FAM184B: variants seen among roughly 807,000 people sequenced by gnomAD.
FAM184B encodes the protein protein FAM184B.
In FAM184B, 111 loss-of-function variants were observed where a neutral mutation model predicts 135.9. The ratio of observed to expected loss-of-function variants is 0.82; its 90% confidence interval spans 0.70 to 0.96. FAM184B has a LOEUF of 0.96. Ranked by LOEUF, FAM184B falls within the 40% of genes least tolerant of loss-of-function variation. FAM184B has a pLI of 0.00. For synonymous variants in FAM184B, 552 were observed against 524.8 expected, an observed-to-expected ratio of 1.05 and a Z score of -0.71; for missense variants, 1,375 against 1,323.9, an observed-to-expected ratio of 1.04 and a Z score of -0.60.
chr4:17,699,950 A>G lies in FAM184B; in HGVS notation c.1377+5050T>C, dbSNP rs543638700. On this transcript the variant is annotated intron_variant, in intron 5 of 17. Coordinates refer to ENST00000265018, the MANE Select transcript of FAM184B (RefSeq NM_015688.2). Reference sequence around the variant, plus strand: ...AAGGGTGAAATGAAAATGTATTATCATGAGGTTTGTATGTGTGAAGTAATG... The same window carrying G: ...AAGGGTGAAATGAAAATGTATTATCGTGAGGTTTGTATGTGTGAAGTAATG... 2.6e-5 allele frequency among the ~76,000 whole-genome samples: 4 copies of G among 152,328 alleles called. No individual in the cohort carries two copies. In the East Asian group the frequency reaches 7.7e-4, roughly 29 times the overall value.
At chr4:17,746,265 A>G (rs527605301) in intron 1 of FAM184B, among the ~76,000 whole-genome samples, 2 of 152,038 alleles carry the variant, frequency 1.3e-5, no homozygotes, top group South Asian at 4.2e-4. Flanking sequence ...GACTGCTACA[A>G]AAAACTTTCC....
rs144277625 is a variant in FAM184B at position 17,713,873 on chromosome 4, C to A, written c.142-4229G>T. On this transcript the variant is annotated intron_variant, in intron 1 of 17. Coordinates refer to ENST00000265018, the MANE Select transcript of FAM184B (RefSeq NM_015688.2). ...TTTGCAACCTCAGAAATATTTTAATCCAGTAGGAGAGTCAGACAAGAAAAT... is the reference window on the plus strand; with the variant it reads ...TTTGCAACCTCAGAAATATTTTAATACAGTAGGAGAGTCAGACAAGAAAAT... 3.4e-4 allele frequency among the ~76,000 whole-genome samples: 51 copies of A among 152,228 alleles called. 1 individual carries two copies. In the East Asian group the frequency reaches 9.5e-3, roughly 28 times the overall value.
chr4:17,694,033 G>C (rs770134457), intron 5 of FAM184B, among the ~76,000 whole-genome samples: 1 of 152,198 alleles, frequency 6.6e-6, no homozygotes, highest in Non-Finnish European at 1.5e-5. Flanking sequence ...CACAGCCCAT[G>C]AGCCTCAGTG....
chr4:17,764,118 A>G (rs1429802528), intron 1 of FAM184B, among the ~76,000 whole-genome samples: 1 of 152,176 alleles, frequency 6.6e-6, no homozygotes, highest in Non-Finnish European at 1.5e-5. Flanking sequence ...GGGTAAACTA[A>G]ACAGGCTAAC....
At chr4:17,696,830 G>GAATGAATA (rs1716875926) in intron 5 of FAM184B, among the ~76,000 whole-genome samples, 2 of 151,678 alleles carry the variant, frequency 1.3e-5, no homozygotes, top group African/African-American at 4.9e-5. Flanking sequence ...ATGAATGAAT[G>GAATGAATA]AATAAATAAA....
intron 10 of FAM184B, 88 bp downstream of exon 10, chr4:17,658,262 G>T: frequency 1.8e-6 from 2 of 1,128,418 alleles, no homozygotes; most frequent in Non-Finnish European, 2.6e-6. Context: ...GGGATTGGAT[G>T]TCATGTAGAA....
At chr4:17,677,822 C>T (rs976327751) in intron 7 of FAM184B, among the ~76,000 whole-genome samples, 1 of 152,138 alleles carries the variant, frequency 6.6e-6, no homozygotes, top group Non-Finnish European at 1.5e-5. Context: ...AATAATCCAC[C>T]ATGATCAAGT....
chr4:17,777,578 A>C (rs1718951836), intron 1 of FAM184B, among the ~76,000 whole-genome samples: 1 of 152,362 alleles, frequency 6.6e-6, no homozygotes, highest in East Asian at 1.9e-4. Flanking sequence ...GAAATTCAAA[A>C]AACTTAATAG....
chr4:17,681,024 A>G (rs912514405), intron 7 of FAM184B, among the ~76,000 whole-genome samples: 1 of 152,244 alleles, frequency 6.6e-6, no homozygotes, highest in Non-Finnish European at 1.5e-5. Flanking sequence ...TAGATACTAT[A>G]AAGTCAACTT....
In FAM184B at chr4:17,709,475, A is replaced by C. The variant is rs1019585445; in HGVS notation, c.311T>G (p.Leu104Arg). 12 of 1,543,670 alleles carry C rather than the reference A, an allele frequency of 7.8e-6. No individual in the cohort carries two copies. The highest frequency in any genetic ancestry group is 1.1e-5 in the Non-Finnish European group (12 of 1,142,540). Residue 104 changes from leucine to arginine, a missense_variant, in exon 2 of 18, where the codon CTG becomes CGG. Transcript: ENST00000265018. ...CTTTTGCAGCTCCAGGGCGCTCTCC[A>C]GGGCCTGGATGCGCTGTAGAAGGGC... is the stretch of plus-strand genomic sequence containing the variant. ...EEALLQRIQALESALELQKRL... is the reference protein window; with the variant it reads ...EEALLQRIQARESALELQKRL...
At chr4:17,696,542 G>A (rs1274729174) in intron 5 of FAM184B, among the ~76,000 whole-genome samples, 1 of 152,206 alleles carries the variant, frequency 6.6e-6, no homozygotes, top group African/African-American at 2.4e-5. Context: ...ACCATCGAGT[G>A]TGCTCACGCC....
At chr4:17,729,763 G>A (rs532455146) in intron 1 of FAM184B, among the ~76,000 whole-genome samples, 3 of 152,294 alleles carry the variant, frequency 2.0e-5, no homozygotes, top group African/African-American at 7.2e-5. Context: ...AAACCCTTCT[G>A]TACGTCACCA....
At chr4:17,646,836 C>T (rs1715481179) in intron 12 of FAM184B, among the ~76,000 whole-genome samples, 1 of 152,104 alleles carries the variant, frequency 6.6e-6, no homozygotes, top group Non-Finnish European at 1.5e-5. Context: ...AGGTGACTGC[C>T]ACCCAGCTAG....
intron 1 of FAM184B, among the ~76,000 whole-genome samples, chr4:17,709,893 C>T (rs1442730870): frequency 6.6e-6 from 1 of 152,208 alleles, no homozygotes; most frequent in Non-Finnish European, 1.5e-5. Context: ...CCAGAGAGGG[C>T]AGCTTTGGCC....
intron 6 of FAM184B, among the ~76,000 whole-genome samples, chr4:17,691,567 T>C (rs577002898): frequency 3.7e-4 from 56 of 151,854 alleles, no homozygotes; most frequent in Non-Finnish European, 7.1e-4. Flanking sequence ...GCGCCTGTAA[T>C]TCCAGCTAGT....
At position 17,747,388 on chromosome 4, in the gene FAM184B, C is replaced by G. The variant is rs1022874315; in HGVS notation, c.141+33771G>C. Among the ~76,000 whole-genome samples the G allele has an allele frequency of 3.3e-5, 5 of 152,192 alleles. No individual in the cohort carries two copies. In the East Asian group the frequency reaches 9.7e-4, roughly 29 times the overall value. On this transcript the variant is annotated intron_variant, in intron 1 of 17. Transcript: ENST00000265018. Reference sequence around the variant, plus strand: ...AACGGTGTGGACCTTTGGTTTAGCTCCGTTTCTGGCACGGACGTTATTTTA... The same window carrying G: ...AACGGTGTGGACCTTTGGTTTAGCTGCGTTTCTGGCACGGACGTTATTTTA...
chr4:17,721,383 C>CAAAAAAAAAAAAAAAAAAAAAAAAAAA lies in FAM184B; in HGVS notation c.142-11740_142-11739insTTTTTTTTTTTTTTTTTTTTTTTTTTT, dbSNP rs61539641. Among the ~76,000 whole-genome samples, 5 of 47,396 alleles carry CAAAAAAAAAAAAAAAAAAAAAAAAAAA rather than the reference C, an allele frequency of 1.1e-4. 1 individual carries two copies. Among genetic ancestry groups the CAAAAAAAAAAAAAAAAAAAAAAAAAAA allele is most frequent in the African/African-American group, 2.4e-4 (3 of 12,574 alleles). The allele number at this position is 47,396 out of a possible 152,430, so 31.1% of individuals were successfully genotyped here. On this transcript the variant is annotated intron_variant, in intron 1 of 17. Coordinates refer to ENST00000265018, the MANE Select transcript of FAM184B (RefSeq NM_015688.2). ...TGGGCGACAGAGAAAGATTCTGTCT[C>CAAAAAAAAAAAAAAAAAAAAAAAAAAA]AAAAAAAAAAAAAAAAAAAAAAATC...
chr4:17,709,771 C>T (rs1717214429), intron 1 of FAM184B, 127 bp from the exon 2 acceptor site: 2 of 834,884 alleles, frequency 2.4e-6, no homozygotes, highest in Non-Finnish European at 3.5e-6. Flanking sequence ...AGAGGATTTG[C>T]GTGCAGGGGA....
At chr4:17,646,488 C>T (rs528331264) in intron 12 of FAM184B, among the ~76,000 whole-genome samples, 2 of 152,120 alleles carry the variant, frequency 1.3e-5, no homozygotes, top group East Asian at 3.9e-4. Flanking sequence ...GGACAAAAAA[C>T]CAAACACCAC....
Sources: allele counts gnomAD v4.1 joint callset (sites outside exome capture counted in the v4.1 genomes callset), GRCh38; gene constraint gnomAD v4.1.1; transcripts MANE v1.5; gene names NCBI Gene and HGNC (gene_info 2026-07-23, HGNC 2026-07-21).